The following ABCD3 variants were observed in gnomAD, a reference collection of about 807,000 sequenced individuals.
The protein encoded by ABCD3 is ATP-binding cassette sub-family D member 3.
Under a neutral mutation model 105.5 loss-of-function variants are expected in ABCD3, and 41 were observed. That is an observed-to-expected ratio of 0.39 (90% CI 0.30 to 0.50). The LOEUF is 0.50. Among genes scored for constraint, ABCD3 ranks in the 20% least tolerant of loss-of-function variants. ABCD3 has a pLI of 0.84. For missense variants in ABCD3, 622 were observed against 806.3 expected (o/e 0.77, Z 2.77); for synonymous variants, 258 against 269.0 (o/e 0.96, Z 0.40).
chr1:94,500,561 G>A (rs1038304394), intron 20 of ABCD3, among the ~76,000 whole-genome samples: 1 of 152,168 alleles, frequency 6.6e-6, no homozygotes, highest in Non-Finnish European at 1.5e-5. Context: ...ATAGATCCAA[G>A]CAAGAGATTC....
At chr1:94,419,721 C>T (rs1570724588) in intron 1 of ABCD3, among the ~76,000 whole-genome samples, 2 of 152,124 alleles carry the variant, frequency 1.3e-5, no homozygotes, top group Non-Finnish European at 1.5e-5. Context: ...CCATTAAGTT[C>T]TTTCTAGCCG....
At chr1:94,480,313 T>C in intron 8 of ABCD3, 151 bp from the exon 9 acceptor site, 1 of 868,690 alleles carries the variant, frequency 1.2e-6, no homozygotes, top group Non-Finnish European at 1.8e-6. Context: ...TGTGTACTTT[T>C]TCAGAAAAAA....
chr1:94,496,720 T>TG (rs1649822866), intron 16 of ABCD3, among the ~76,000 whole-genome samples: 1 of 132,202 alleles, frequency 7.6e-6, no homozygotes, highest in Non-Finnish European at 1.6e-5. Context: ...TTTTTTTTTT[T>TG]TTTGAATAGG....
chr1:94,445,994 TCA>T (rs1660331236), intron 1 of ABCD3, among the ~76,000 whole-genome samples: 1 of 152,140 alleles, frequency 6.6e-6, no homozygotes, highest in African/African-American at 2.4e-5. Context: ...AAGGAAATAC[TCA>T]GTTTCCTGGA....
At chr1:94,467,812 C>G (rs891052871) in intron 3 of ABCD3, 107 bp from the exon 4 acceptor site, 2 of 741,128 alleles carry the variant, frequency 2.7e-6, no homozygotes, top group Non-Finnish European at 4.8e-6. Context: ...TATATTGAAA[C>G]TTACATAAAG....
chr1:94,483,280 GT>G (rs760590918), intron 10 of ABCD3, 41 bp downstream of exon 10: 55 of 1,503,760 alleles, frequency 3.7e-5, no homozygotes, highest in Middle Eastern at 1.7e-4. Context: ...TATGGAAAGG[GT>G]TTTTTTTGTT....
chr1:94,407,952 T>C, the ABCD3 span, among the ~76,000 whole-genome samples: 2 of 152,262 alleles, frequency 1.3e-5, no homozygotes, highest in Non-Finnish European at 2.9e-5. Context: ...TTCATTTATA[T>C]TATTGTCTTT....
the ABCD3 span, among the ~76,000 whole-genome samples, chr1:94,401,226 A>T: frequency 6.6e-6 from 1 of 152,274 alleles, no homozygotes; most frequent in East Asian, 1.9e-4. Context: ...AGTAAAATGA[A>T]TTCTTTCATA....
At chr1:94,431,535 A>C (rs1290115421) in intron 1 of ABCD3, among the ~76,000 whole-genome samples, 1 of 152,184 alleles carries the variant, frequency 6.6e-6, no homozygotes, top group East Asian at 1.9e-4. Flanking sequence ...ACCAACAAAC[A>C]TTCCCTGATA....
intron 1 of ABCD3, among the ~76,000 whole-genome samples, chr1:94,452,650 A>C (rs1426919060): frequency 1.3e-5 from 2 of 152,192 alleles, no homozygotes. Flanking sequence ...ATTTTAAAAA[A>C]ATGTTGGTGT....
intron 1 of ABCD3, among the ~76,000 whole-genome samples, chr1:94,425,180 T>A (rs568196664): frequency 6.6e-6 from 1 of 152,268 alleles, no homozygotes; most frequent in African/African-American, 2.4e-5. Flanking sequence ...TTTAATAGAG[T>A]GTAAACATTA....
chr1:94,518,204 A>G lies in ABCD3; in HGVS notation c.*1075A>G, dbSNP rs1315317751. On this transcript the variant is annotated 3_prime_UTR_variant, in exon 23 of 23. Coordinates refer to ENST00000370214, the MANE Select transcript of ABCD3 (RefSeq NM_002858.4). ...TGATGTCAAACGATCCTAAGCGAAG[A>G]TGATTTCAGTTCATCAAATCATCAT... 1 of 152,324 alleles carries G rather than the reference A, an allele frequency of 6.6e-6. No homozygotes were observed. The highest frequency in any genetic ancestry group is 2.4e-5 in the African/African-American group (1 of 41,422). The allele number at this position is 152,324 out of a possible 1,614,324, so 9.4% of individuals were successfully genotyped here. A position where few individuals can be genotyped will look rare whatever the true frequency, so the allele number is the denominator to read the frequency against.
chr1:94,438,480 GTTGA>G (rs1476065031), intron 1 of ABCD3, among the ~76,000 whole-genome samples: 9 of 152,156 alleles, frequency 5.9e-5, no homozygotes, highest in African/African-American at 2.2e-4. Context: ...CATAAACTTG[GTTGA>G]TGTGACAAGA....
chr1:94,439,796 A>G (rs1660067169), intron 1 of ABCD3, among the ~76,000 whole-genome samples: 1 of 152,140 alleles, frequency 6.6e-6, no homozygotes, highest in Non-Finnish European at 1.5e-5. Context: ...CTAATATTTT[A>G]TCACCACATT....
chr1:94,493,872 C>G (rs1015355131), intron 16 of ABCD3, among the ~76,000 whole-genome samples: 1 of 151,932 alleles, frequency 6.6e-6, no homozygotes, highest in African/African-American at 2.4e-5. Flanking sequence ...CATATTCTCA[C>G]TCATAGGTGG....
chr1:94,391,218 G>A, the ABCD3 span, among the ~76,000 whole-genome samples: 1 of 152,164 alleles, frequency 6.6e-6, no homozygotes, highest in Non-Finnish European at 1.5e-5. Flanking sequence ...ACTGGTAAAT[G>A]TTTCTGTTCA....
At chr1:94,469,340 A>G (rs1266124361) in intron 4 of ABCD3, among the ~76,000 whole-genome samples, 2 of 152,086 alleles carry the variant, frequency 1.3e-5, no homozygotes, top group Admixed American at 6.6e-5. Flanking sequence ...AATAAAAATT[A>G]TATAATTTTT....
At chr1:94,389,959 A>G in the ABCD3 span, among the ~76,000 whole-genome samples, 1 of 152,254 alleles carries the variant, frequency 6.6e-6, no homozygotes, top group African/African-American at 2.4e-5. Flanking sequence ...TGCAGACTAT[A>G]TTGTGACAGA....
chr1:94,460,857 G>A (rs1473853813), intron 2 of ABCD3, among the ~76,000 whole-genome samples: 1 of 152,038 alleles, frequency 6.6e-6, no homozygotes, highest in Non-Finnish European at 1.5e-5. Context: ...GATCTCTCAT[G>A]TCTAAGTTCT....
Sources: allele counts gnomAD v4.1 joint callset (sites outside exome capture counted in the v4.1 genomes callset), GRCh38; gene constraint gnomAD v4.1.1; transcripts MANE v1.5; gene names NCBI Gene and HGNC (gene_info 2026-07-23, HGNC 2026-07-21).